The following C4BPA variants were observed in gnomAD, a reference collection of about 807,000 sequenced individuals.
C4BPA encodes the protein complement component 4 binding protein alpha.
Under a neutral mutation model 63.7 loss-of-function variants are expected in C4BPA, and 31 were observed. That is an observed-to-expected ratio of 0.49 (90% CI 0.37 to 0.66). The LOEUF (loss-of-function observed/expected upper bound fraction) is 0.66. Among genes scored for constraint, C4BPA ranks in the 30% least tolerant of loss-of-function variants. The pLI, the probability that C4BPA is intolerant of heterozygous loss-of-function variation, is 0.00. For synonymous variants in C4BPA, 259 were observed against 254.7 expected, an observed-to-expected ratio of 1.02 and a Z score of -0.16; for missense variants, 572 against 723.3, an observed-to-expected ratio of 0.79 and a Z score of 2.40.
At chr1:207,125,432 C>A (rs2102341740) in intron 6 of C4BPA, among the ~76,000 whole-genome samples, 2 of 152,316 alleles carry the variant, frequency 1.3e-5, no homozygotes, top group Middle Eastern at 6.8e-3. Context: ...GAATGTGCAT[C>A]TCCAAACTCA....
chr1:207,118,245 A>ATCTATCTATCTG lies in C4BPA; in HGVS notation c.428+2732_428+2733insTATCTATCTGTC, dbSNP rs1435995044. ...TATCTATCTATCTATCTATCTATCT[A>ATCTATCTATCTG]TCATCTATCTACTATTGATTTCTGC... On this transcript the variant is annotated intron_variant, in intron 4 of 11. Coordinates refer to ENST00000367070, the MANE Select transcript of C4BPA (RefSeq NM_000715.4). Among the ~76,000 whole-genome samples, 4 of 150,636 alleles carry ATCTATCTATCTG rather than the reference A, an allele frequency of 2.7e-5. No homozygotes were observed. The East Asian group carries it at 5.8e-4, about 22-fold the overall frequency.
intron 4 of C4BPA, among the ~76,000 whole-genome samples, chr1:207,117,968 T>C (rs1465198827): frequency 6.6e-6 from 1 of 152,226 alleles, no homozygotes; most frequent in Non-Finnish European, 1.5e-5. Context: ...AGTCTTTTTT[T>C]CCTTGTTTCT....
chr1:207,144,465 C>A (rs1572804015), intron 11 of C4BPA, 79 bp from the exon 12 acceptor site: 1 of 1,317,820 alleles, frequency 7.6e-7, no homozygotes, highest in East Asian at 2.4e-5. Context: ...ATCCTGTAGT[C>A]CTTCCACTGT....
intron 10 of C4BPA, 100 bp downstream of exon 10, chr1:207,141,376 A>T (rs1020494843): frequency 2.3e-6 from 2 of 856,658 alleles, no homozygotes; most frequent in African/African-American, 3.4e-5. Flanking sequence ...GCATGAAAAC[A>T]TTTGATTTGA....
chr1:207,115,447 T>C lies in C4BPA; in HGVS notation c.360T>C (p.Arg120=). The C allele has an allele frequency of 6.2e-7, 1 of 1,600,168 alleles. No homozygotes were observed. Among genetic ancestry groups the C allele is most frequent in the Non-Finnish European group, 8.5e-7 (1 of 1,175,476 alleles). The change falls in exon 4 of 12, where the codon CGT becomes CGC. Residue 120 remains arginine, a synonymous_variant. Transcript: ENST00000367070. ...YKRCRHPGEL[R]NGQVEIKTDL... is the part of the protein sequence containing the mutation. The stretch of plus-strand genomic sequence containing the variant: ...GATGCAGACACCCAGGAGAGTTACG[T>C]AATGGGCAAGTAGAGATTAAGACAG...
intron 9 of C4BPA, among the ~76,000 whole-genome samples, chr1:207,136,301 A>G (rs1033226776): frequency 3.9e-5 from 6 of 152,194 alleles, no homozygotes; most frequent in Admixed American, 1.3e-4. Context: ...ATAACAGAGA[A>G]TGGCTTACTT....
chr1:207,128,087 T>A (rs1478050283), intron 7 of C4BPA, among the ~76,000 whole-genome samples: 1 of 152,150 alleles, frequency 6.6e-6, no homozygotes, highest in South Asian at 2.1e-4. Context: ...CAGTCCCCCC[T>A]TTTTCATGGC....
intron 6 of C4BPA, among the ~76,000 whole-genome samples, chr1:207,124,626 A>G (rs1684996712): frequency 6.6e-6 from 1 of 152,220 alleles, no homozygotes; most frequent in Non-Finnish European, 1.5e-5. Flanking sequence ...TTGGTGAAGT[A>G]AAAGTTTATT....
rs1381728798 is a variant in C4BPA at position 207,105,575 on chromosome 1, A to G, written c.-26+1145A>G. 6.9e-3 allele frequency among the ~76,000 whole-genome samples: 969 copies of G among 140,892 alleles called. 5 individuals are homozygous for G. Among genetic ancestry groups the G allele is most frequent in the Non-Finnish European group, 8.9e-3 (587 of 65,790 alleles). 92.4% of individuals were successfully genotyped at this position (140,892 alleles called of 152,430 possible). ...TCCACCTCAAAAAAAAAAAAAAAAGAAAAAAAAAAGAGATTCTAGGAAGGG... is the reference window on the plus strand; with the variant it reads ...TCCACCTCAAAAAAAAAAAAAAAAGGAAAAAAAAAGAGATTCTAGGAAGGG... On this transcript the variant is annotated intron_variant, in intron 1 of 11. Coordinates refer to ENST00000367070, the MANE Select transcript of C4BPA (RefSeq NM_000715.4).
Position 207,124,266 on chromosome 1 carries a change from C to A in C4BPA, c.606C>A (p.Ser202Arg). The stretch of plus-strand genomic sequence containing the variant: ...CATACGGCTTTTCTGTCACCTACAG[C>A]TGTGACCCCCGCTTCTCACTCTTGG... ...FYAYGFSVTY[S>R]CDPRFSLLGH... is the part of the protein sequence containing the mutation. The change falls in exon 6 of 12, where the codon AGC becomes AGA. Residue 202 changes from serine (S) to arginine (R), a missense_variant. Ser to Arg is a moderately radical substitution (Grantham distance 110, BLOSUM62 -1). Coordinates refer to ENST00000367070, the MANE Select transcript of C4BPA (RefSeq NM_000715.4). 6.2e-7 allele frequency: 1 copy of A among 1,613,728 alleles called. No homozygotes were observed. Among genetic ancestry groups the A allele is most frequent in the Non-Finnish European group, 8.5e-7 (1 of 1,179,696 alleles).
rs1366967873 is a variant in C4BPA, at chr1:207,134,572, G to A, written c.1253G>A (p.Arg418Gln). The A allele has an allele frequency of 3.1e-6, 5 of 1,612,752 alleles. No individual in the cohort carries two copies. The highest frequency in any genetic ancestry group is 4.5e-5 in the East Asian group (2 of 44,850). The change falls in exon 9 of 12, where the codon CGA (arginine) becomes CAA (glutamine). Residue 418 changes from arginine (R) to glutamine (Q), a missense_variant. Arg to Gln is a conservative substitution (Grantham distance 43). This residue lies in a region of C4BPA where 465 missense variants were observed against 629.4 expected (regional missense o/e 0.74). Coordinates refer to ENST00000367070, the MANE Select transcript of C4BPA (RefSeq NM_000715.4). Reference sequence around the variant, plus strand: ...CAAGGAGATGGCACGTGGAGTCCCCGAACACCATCATGTGGAGACAGTAAG... The same window carrying A: ...CAAGGAGATGGCACGTGGAGTCCCCAAACACCATCATGTGGAGACAGTAAG... ...ICQGDGTWSP[R>Q]TPSCGDICNF...
rs540580988 is a variant in C4BPA, at chr1:207,144,637, T to C, written c.1714T>C (p.Tyr572His). 1.5e-5 allele frequency: 25 copies of C among 1,613,714 alleles called. No homozygotes were observed. The South Asian group carries it at 2.3e-4, about 15-fold the overall frequency. ...PEDVKMALEV[Y>H]KLSLEIEQLE... ...GGATGTGAAAATGGCCCTGGAGGTATATAAGCTGTCTCTGGAAATTGAACA... is the reference window on the plus strand; with the variant it reads ...GGATGTGAAAATGGCCCTGGAGGTACATAAGCTGTCTCTGGAAATTGAACA... The change falls in exon 12 of 12, where the codon TAT (tyrosine) becomes CAT (histidine). Residue 572 changes from tyrosine to histidine, a missense_variant. Around this residue, in one of 2 missense-constraint regions of C4BPA, gnomAD observed 465 missense variants for 629.4 expected, o/e 0.74. Coordinates refer to ENST00000367070, the MANE Select transcript of C4BPA (RefSeq NM_000715.4).
At chr1:207,115,047 A>G (rs17020993) in intron 3 of C4BPA, among the ~76,000 whole-genome samples, 39,120 of 152,076 alleles carry the variant, frequency 0.26, 7,263 homozygotes, top group African/African-American at 0.53. Context: ...GTATACAATC[A>G]ATACTTTCTC....
At chr1:207,105,048 C>A (rs1182485457) in intron 1 of C4BPA, among the ~76,000 whole-genome samples, 1 of 152,170 alleles carries the variant, frequency 6.6e-6, no homozygotes, top group Non-Finnish European at 1.5e-5. Flanking sequence ...TTCTCTTCTT[C>A]CTTGGTTGGC....
chr1:207,116,514 ATATG>A (rs1335834948), intron 4 of C4BPA, among the ~76,000 whole-genome samples: 25 of 33,848 alleles, frequency 7.4e-4, no homozygotes, highest in African/African-American at 1.1e-3. Flanking sequence ...GTGTGTGTGT[ATATG>A]TGTGTGTGTG....
In C4BPA at chr1:207,141,324, C is replaced by T. The variant is rs1685411355; in HGVS notation, c.1444+48C>T. ...CTCAAGATTAAGTGGGTGGACGTGT[C>T]CTGAGAGCACTGAGAGCTAAGTTTC... On this transcript the variant is annotated intron_variant, in intron 10 of 11. Coordinates refer to ENST00000367070, the MANE Select transcript of C4BPA (RefSeq NM_000715.4). 2.7e-6 allele frequency: 4 copies of T among 1,456,288 alleles called. No individual in the cohort carries two copies. In the East Asian group the frequency reaches 9.1e-5, roughly 33 times the overall value. The allele number at this position is 1,456,288 out of a possible 1,614,324, so 90.2% of individuals were successfully genotyped here.
intron 8 of C4BPA, 37 bp from the exon 9 acceptor site, chr1:207,134,367 A>G: frequency 6.6e-7 from 1 of 1,514,076 alleles, no homozygotes; most frequent in South Asian, 1.2e-5. Flanking sequence ...CCTCATGGTG[A>G]TTTTACTAAC....
At chr1:207,115,616 C>T (rs896391035) in intron 4 of C4BPA, 101 bp downstream of exon 4, 70 of 604,992 alleles carry the variant, frequency 1.2e-4, no homozygotes, top group Non-Finnish European at 1.7e-4. Flanking sequence ...AAAAGATAGA[C>T]GTTGAGAATT....
At chr1:207,125,431 T>C (rs1183528516) in intron 6 of C4BPA, among the ~76,000 whole-genome samples, 1 of 152,148 alleles carries the variant, frequency 6.6e-6, no homozygotes, top group African/African-American at 2.4e-5. Context: ...TGAATGTGCA[T>C]CTCCAAACTC....
Sources: gnomAD v4.1 joint callset for allele counts (sites outside exome capture counted in the v4.1 genomes callset) on GRCh38, gnomAD v4.1.1 for gene constraint, gnomAD v4.1.1 regional missense constraint, MANE v1.5 for transcripts, NCBI Gene and HGNC (gene_info 2026-07-23, HGNC 2026-07-21) for gene names.